Variants in TTC28 observed in about 807,000 individuals in gnomAD.
TTC28 encodes the protein tetratricopeptide repeat domain 28, also known as tetratricopeptide repeat protein 28.
TTC28 carries 61 observed loss-of-function variants against 198.0 expected under a neutral mutation model. That is an observed-to-expected ratio of 0.31 (90% CI 0.25 to 0.38). The LOEUF is 0.38. Ranked by LOEUF, TTC28 falls within the 10% of genes least tolerant of loss-of-function variation. TTC28 has a pLI of 1.00. For missense variants in TTC28, 2,678 were observed against 3,164.0 expected (o/e 0.85, Z 3.69); for synonymous variants, 1,171 against 1,297.8 (o/e 0.90, Z 2.10).
intron 2 of TTC28, among the ~76,000 whole-genome samples, chr22:28,417,216 C>A (rs1369414704): frequency 1.4e-5 from 2 of 141,934 alleles, no homozygotes; most frequent in Non-Finnish European, 3.0e-5. Context: ...GTAATCCCAA[C>A]ACTTTGAGAG....
intron 2 of TTC28, among the ~76,000 whole-genome samples, chr22:28,347,507 G>C (rs1253646772): frequency 6.6e-6 from 1 of 152,084 alleles, no homozygotes; most frequent in Non-Finnish European, 1.5e-5. Flanking sequence ...AGTACCTAAA[G>C]CCCTGAGATC....
chr22:28,602,824 A>G (rs923331914), intron 2 of TTC28, among the ~76,000 whole-genome samples: 2 of 152,246 alleles, frequency 1.3e-5, no homozygotes, highest in Non-Finnish European at 2.9e-5. Flanking sequence ...CTTTAGCAAT[A>G]GAATACATTG....
intron 1 of TTC28, among the ~76,000 whole-genome samples, chr22:28,633,750 C>G (rs572712493): frequency 6.6e-6 from 1 of 152,126 alleles, no homozygotes; most frequent in Non-Finnish European, 1.5e-5. Flanking sequence ...AGTAACATTT[C>G]CCAAAATATA....
chr22:28,291,573 G>A (rs1008868876), intron 5 of TTC28, among the ~76,000 whole-genome samples: 1 of 152,132 alleles, frequency 6.6e-6, no homozygotes, highest in Non-Finnish European at 1.5e-5. Context: ...GTTGGCCAAG[G>A]CAGGGAAATG....
intron 8 of TTC28, among the ~76,000 whole-genome samples, chr22:28,102,168 C>A (rs565935300): frequency 3.9e-5 from 6 of 152,296 alleles, no homozygotes; most frequent in African/African-American, 1.4e-4. Flanking sequence ...TGCACAGCAT[C>A]CAATGAGTGT....
At chr22:28,148,868 A>T (rs1943540252) in intron 6 of TTC28, among the ~76,000 whole-genome samples, 1 of 152,230 alleles carries the variant, frequency 6.6e-6, no homozygotes, top group Non-Finnish European at 1.5e-5. Context: ...ATAGATGAAC[A>T]TAGTAAATAT....
chr22:28,536,352 C>T (rs920472645), intron 2 of TTC28, among the ~76,000 whole-genome samples: 13 of 151,930 alleles, frequency 8.6e-5, no homozygotes, highest in South Asian at 2.1e-4. Context: ...CGGCCGGGCG[C>T]GGTGGCTCAC....
At chr22:28,675,616 T>C (rs931678491) in intron 1 of TTC28, among the ~76,000 whole-genome samples, 13 of 151,618 alleles carry the variant, frequency 8.6e-5, no homozygotes, top group Non-Finnish European at 1.8e-4. Flanking sequence ...ACCGTGCCTG[T>C]AGTCCTACCT....
chr22:28,466,830 CACACACACACACACA>C (rs2048028408), intron 2 of TTC28, among the ~76,000 whole-genome samples: 1 of 122,476 alleles, frequency 8.2e-6, no homozygotes. Flanking sequence ...TACACACACA[CACACACACACACACA>C]CACACACACA....
At chr22:28,569,952 A>T (rs2050036060) in intron 2 of TTC28, among the ~76,000 whole-genome samples, 1 of 152,268 alleles carries the variant, frequency 6.6e-6, no homozygotes, top group Non-Finnish European at 1.5e-5. Context: ...ATATTAAAAA[A>T]TGCTCAACAT....
In TTC28 at chr22:28,392,870, C is replaced by CTTTTT. The variant is rs1245558034; in HGVS notation, c.382-86232_382-86228dup. Among the ~76,000 whole-genome samples the CTTTTT allele has an allele frequency of 7.5e-3, 605 of 80,628 alleles. 16 individuals carry two copies. The highest frequency in any genetic ancestry group is 8.7e-3 in the Non-Finnish European group (405 of 46,338). The allele number at this position is 80,628 out of a possible 152,430, so 52.9% of individuals were successfully genotyped here. A position where few individuals can be genotyped will look rare whatever the true frequency, so the allele number is the denominator to read the frequency against. On this transcript the variant is annotated intron_variant, in intron 2 of 22. Coordinates refer to ENST00000397906, the MANE Select transcript of TTC28 (RefSeq NM_001145418.2). ...ATTCGGCCATCTTGGTTCCTCCCTC[C>CTTTTT]TTTTTTTTTTTTTTTTTTTTTTTGA... is the stretch of plus-strand genomic sequence containing the variant.
intron 5 of TTC28, among the ~76,000 whole-genome samples, chr22:28,289,771 A>G (rs1379700959): frequency 6.6e-6 from 1 of 152,270 alleles, no homozygotes; most frequent in Non-Finnish European, 1.5e-5. Context: ...CATGCCTGTA[A>G]TCCCAACACT....
rs1288001557 is a variant in TTC28 at position 28,628,706 on chromosome 22, G to A, written c.381+846C>T. Among the ~76,000 whole-genome samples, 2 of 152,242 alleles carry A rather than the reference G, an allele frequency of 1.3e-5. 1 individual carries two copies. The highest frequency in any genetic ancestry group is 4.8e-5 in the African/African-American group (2 of 41,536). On this transcript the variant is annotated intron_variant, in intron 2 of 22. Transcript: ENST00000397906. ...TTTTATCCCAGCACTTCGGGAGACC[G>A]AGGCAGGCAGATTGCTTGAGCTCAG... is the stretch of plus-strand genomic sequence containing the variant.
chr22:28,394,212 T>G (rs931090658), intron 2 of TTC28, among the ~76,000 whole-genome samples: 1 of 152,196 alleles, frequency 6.6e-6, no homozygotes. Flanking sequence ...AGATTTTGAG[T>G]GGTCTGCACC....
chr22:28,535,153 G>T (rs1053645716), intron 2 of TTC28, among the ~76,000 whole-genome samples: 3 of 152,086 alleles, frequency 2.0e-5, no homozygotes, highest in African/African-American at 7.2e-5. Context: ...TAAAAAAAAG[G>T]AATTTGGGAA....
At position 28,119,625 on chromosome 22, in the gene TTC28, CCACACTGG is replaced by C. The variant is rs542248683; in HGVS notation, c.1442-11230_1442-11223del. On this transcript the variant is annotated intron_variant, in intron 6 of 22. Transcript: ENST00000397906. ...TTTGGTTGTCAAAATATCTGGGAGA[CCACACTGG>C]CAAGTGTGGGTGGGGCCAGGGATAC... 2.6e-5 allele frequency among the ~76,000 whole-genome samples: 4 copies of C among 152,298 alleles called. No individual in the cohort carries two copies. In the South Asian group the frequency reaches 8.3e-4, roughly 32 times the overall value.
intron 2 of TTC28, among the ~76,000 whole-genome samples, chr22:28,512,900 C>T (rs536228253): frequency 2.0e-5 from 3 of 151,358 alleles, no homozygotes; most frequent in South Asian, 2.1e-4. Context: ...ACATCCTGCA[C>T]GTGTACCCCT....
intron 2 of TTC28, among the ~76,000 whole-genome samples, chr22:28,583,970 TTCTC>T (rs1200465098): frequency 6.6e-6 from 1 of 151,318 alleles, no homozygotes; most frequent in Non-Finnish European, 1.5e-5. Flanking sequence ...ATGTATTATT[TTCTC>T]TCTTTCTCCG....
intron 2 of TTC28, among the ~76,000 whole-genome samples, chr22:28,312,125 T>C (rs1174466963): frequency 6.6e-6 from 1 of 151,572 alleles, no homozygotes; most frequent in East Asian, 1.9e-4. Context: ...AGAAGGCCAT[T>C]ACATAATGGT....
Sources: gnomAD v4.1 joint callset for allele counts (sites outside exome capture counted in the v4.1 genomes callset) on GRCh38, gnomAD v4.1.1 for gene constraint, MANE v1.5 for transcripts, NCBI Gene and HGNC (gene_info 2026-07-23, HGNC 2026-07-21) for gene names.